CDH8: variants seen among roughly 807,000 people sequenced by gnomAD.
CDH8 encodes cadherin-8.
In CDH8, 17 loss-of-function variants were observed where a neutral mutation model predicts 68.1. The ratio of observed to expected loss-of-function variants is 0.25; its 90% CI spans 0.17 to 0.37. The LOEUF (loss-of-function observed/expected upper bound fraction) is 0.37, where lower values mean the gene tolerates loss of function less well. CDH8 is among the 10% of genes least tolerant of loss of function. The pLI, the probability that CDH8 is intolerant of heterozygous loss-of-function variation, is 1.00. For missense variants in CDH8, 763 were observed against 999.3 expected (o/e 0.76, Z 3.19); for synonymous variants, 372 against 365.1 (o/e 1.02, Z -0.21).
chr16:61,873,647 T>A (rs1963410445), intron 3 of CDH8, among the ~76,000 whole-genome samples: 1 of 152,206 alleles, frequency 6.6e-6, no homozygotes, highest in African/African-American at 2.4e-5. Flanking sequence ...GTTTTTGAAT[T>A]TTGATTTTTT....
chr16:61,984,028 C>T (rs1965585189), intron 2 of CDH8, among the ~76,000 whole-genome samples: 1 of 152,132 alleles, frequency 6.6e-6, no homozygotes, highest in South Asian at 2.1e-4. Flanking sequence ...AGCTATTCCT[C>T]TGCCTTAGCC....
intron 2 of CDH8, among the ~76,000 whole-genome samples, chr16:61,905,373 G>A (rs1964044343): frequency 6.6e-6 from 1 of 151,528 alleles, no homozygotes; most frequent in African/African-American, 2.4e-5. Context: ...AAAATTTAGG[G>A]GAAATAGAGC....
intron 2 of CDH8, among the ~76,000 whole-genome samples, chr16:62,007,786 A>G (rs1901708703): frequency 6.6e-6 from 1 of 151,788 alleles, no homozygotes; most frequent in African/African-American, 2.4e-5. Flanking sequence ...TCTGGGGACT[A>G]TCCTACTCTC....
chr16:61,714,023 C>G, intron 9 of CDH8, 65 bp from the exon 10 acceptor site: 1 of 944,220 alleles, frequency 1.1e-6, no homozygotes, highest in Admixed American at 1.8e-5. Flanking sequence ...TCGGTAAAAG[C>G]TTAGTGACAT....
At chr16:61,848,469 T>C (rs1962865027) in intron 4 of CDH8, among the ~76,000 whole-genome samples, 1 of 152,118 alleles carries the variant, frequency 6.6e-6, no homozygotes, top group African/African-American at 2.4e-5. Context: ...CACTTCAAGC[T>C]TACCCAAGTA....
At chr16:61,801,783 G>A (rs1961645799) in intron 7 of CDH8, among the ~76,000 whole-genome samples, 1 of 152,250 alleles carries the variant, frequency 6.6e-6, no homozygotes, top group African/African-American at 2.4e-5. Context: ...CGAACCATGA[G>A]ATTATATCCC....
intron 10 of CDH8, among the ~76,000 whole-genome samples, chr16:61,705,099 A>G (rs1423685871): frequency 6.6e-6 from 1 of 152,192 alleles, no homozygotes; most frequent in Non-Finnish European, 1.5e-5. Flanking sequence ...GAGTAACCCA[A>G]AAAGATCCAA....
Position 61,875,907 on chromosome 16 carries a change from C to T in CDH8, c.548-18669G>A, listed in dbSNP as rs1285692080. ...CCCCTCCACCCCCAAGATGGAGTCT[C>T]GCTCTGTCACCCAGGCTGGAGTGCA... On this transcript the variant is annotated intron_variant, in intron 3 of 11. Coordinates refer to ENST00000577390, the MANE Select transcript of CDH8 (RefSeq NM_001796.5). Among the ~76,000 whole-genome samples, 5 of 152,252 alleles carry T rather than the reference C, an allele frequency of 3.3e-5. No individual in the cohort carries two copies. In the East Asian group the frequency reaches 7.7e-4, roughly 24 times the overall value.
intron 7 of CDH8, among the ~76,000 whole-genome samples, chr16:61,816,168 A>C (rs546531136): frequency 6.6e-6 from 1 of 152,186 alleles, no homozygotes; most frequent in East Asian, 1.9e-4. Flanking sequence ...TCTTCTTTGC[A>C]TACTTATTGG....
intron 3 of CDH8, among the ~76,000 whole-genome samples, chr16:61,888,186 T>G (rs1014553512): frequency 1.7e-4 from 26 of 152,278 alleles, no homozygotes; most frequent in Non-Finnish European, 3.1e-4. Context: ...CACCTTCAGG[T>G]TCGCGGAGTC....
At chr16:61,850,648 A>G (rs1041675994) in intron 4 of CDH8, among the ~76,000 whole-genome samples, 1 of 151,954 alleles carries the variant, frequency 6.6e-6, no homozygotes, top group African/African-American at 2.4e-5. Context: ...CCTGATCACC[A>G]ATTTATCTTT....
chr16:61,926,233 CAAAT>C (rs892622664), intron 2 of CDH8, among the ~76,000 whole-genome samples: 1 of 148,870 alleles, frequency 6.7e-6, no homozygotes, highest in Non-Finnish European at 1.5e-5. Flanking sequence ...ATCTATGTTC[CAAAT>C]ATGGGAAGAA....
intron 2 of CDH8, among the ~76,000 whole-genome samples, chr16:61,950,890 T>C (rs952435823): frequency 6.6e-6 from 1 of 152,032 alleles, no homozygotes; most frequent in African/African-American, 2.4e-5. Flanking sequence ...TGGGGTCTAT[T>C]TGAGGGGGAA....
rs186918875 is a variant in CDH8, at chr16:61,705,808, A to C, written c.1654+8033T>G. ...GTGATAATTCCCACAAAATCATAAT[A>C]TTGTTCAGACTTGCCTGCAAATTTC... On this transcript the variant is annotated intron_variant, in intron 10 of 11. Coordinates refer to ENST00000577390, the MANE Select transcript of CDH8 (RefSeq NM_001796.5). Among the ~76,000 whole-genome samples, 4 of 152,330 alleles carry C rather than the reference A, an allele frequency of 2.6e-5. No homozygotes were observed. In the East Asian group the frequency reaches 7.7e-4, roughly 29 times the overall value.
chr16:61,706,314 G>A (rs1596884182), intron 10 of CDH8, among the ~76,000 whole-genome samples: 1 of 152,114 alleles, frequency 6.6e-6, no homozygotes, highest in African/African-American at 2.4e-5. Flanking sequence ...AAGCGAGAGG[G>A]GATTTAAAAA....
chr16:61,875,482 C>T (rs1345680995), intron 3 of CDH8, among the ~76,000 whole-genome samples: 1 of 152,152 alleles, frequency 6.6e-6, no homozygotes, highest in African/African-American at 2.4e-5. Context: ...ATTACATGAG[C>T]AGGAACGGGA....
rs887395350 is a variant in CDH8, at chr16:62,036,386, T to A, written c.-506A>T. 6.6e-6 allele frequency: 1 copy of A among 152,638 alleles called. No homozygotes were observed. Among genetic ancestry groups the A allele is most frequent in the Admixed American group, 6.5e-5 (1 of 15,286 alleles). 9.5% of individuals were successfully genotyped at this position (152,638 alleles called of 1,614,324 possible). ...GGAGATTCCAAATAAATCCACTAAT[T>A]CTGGGCTGAGCGCTCCGGCGTGCGA... On this transcript the variant is annotated 5_prime_UTR_variant, in exon 1 of 12. Coordinates refer to ENST00000577390, the MANE Select transcript of CDH8 (RefSeq NM_001796.5).
intron 3 of CDH8, among the ~76,000 whole-genome samples, chr16:61,873,815 C>A (rs542686077): frequency 1.3e-5 from 2 of 152,018 alleles, no homozygotes; most frequent in Non-Finnish European, 2.9e-5. Flanking sequence ...CAGCACTTTG[C>A]GAAGCCAAGG....
rs796069535 is a variant in CDH8, at chr16:61,954,714, A to AG, written c.253-53242_253-53241insC. Among the ~76,000 whole-genome samples, 309 of 151,320 alleles carry AG rather than the reference A, an allele frequency of 2.0e-3. 1 individual carries two copies. The highest frequency in any genetic ancestry group is 7.5e-3 in the South Asian group (36 of 4,804). ...AGACTCCATCTCAAAAAAAAAAAAA[A>AG]AAAGAAAGAAAGAAAGAAAGATAAA... is the stretch of plus-strand genomic sequence containing the variant. On this transcript the variant is annotated intron_variant, in intron 2 of 11. Transcript: ENST00000577390.
Sources: allele counts gnomAD v4.1 joint callset (sites outside exome capture counted in the v4.1 genomes callset), GRCh38; gene constraint gnomAD v4.1.1; transcripts MANE v1.5; gene names NCBI Gene and HGNC (gene_info 2026-07-23, HGNC 2026-07-21).